The following AP4S1 variants were observed in gnomAD, a reference collection of about 807,000 sequenced individuals.
AP4S1 encodes adaptor related protein complex 4 subunit sigma 1, also known as AP-4 complex subunit sigma-1.
AP4S1 carries 23 observed loss-of-function variants against 19.8 expected under a neutral mutation model. The observed-to-expected ratio is 1.16, with a 90% confidence interval of 0.84 to 1.65. AP4S1 has a LOEUF of 1.65. AP4S1 is among the 40% of genes most tolerant of loss of function. The pLI is 0.00. For synonymous variants in AP4S1, 46 were observed against 54.1 expected, an observed-to-expected ratio of 0.85 and a Z score of 0.66; for missense variants, 166 against 172.8, an observed-to-expected ratio of 0.96 and a Z score of 0.22.
At chr14:31,067,953 C>A (rs1886814690) in intron 2 of AP4S1, among the ~76,000 whole-genome samples, 1 of 152,042 alleles carries the variant, frequency 6.6e-6, no homozygotes, top group African/African-American at 2.4e-5. Flanking sequence ...ACCACAACAT[C>A]CACCTCCCAG....
At chr14:31,071,557 A>G (rs1363365311) in intron 3 of AP4S1, among the ~76,000 whole-genome samples, 1 of 152,076 alleles carries the variant, frequency 6.6e-6, no homozygotes, top group Non-Finnish European at 1.5e-5. Flanking sequence ...AGTAGCTAGG[A>G]CTACAGGCAC....
chr14:31,053,833 A>C (rs180917955), intron 1 of AP4S1, among the ~76,000 whole-genome samples: 13 of 152,094 alleles, frequency 8.5e-5, no homozygotes, highest in Admixed American at 2.0e-4. Flanking sequence ...TTTAGAGTTC[A>C]TCAATTTATC....
At chr14:31,039,207 A>G (rs1884952581) in intron 1 of AP4S1, among the ~76,000 whole-genome samples, 1 of 151,230 alleles carries the variant, frequency 6.6e-6, no homozygotes, top group Non-Finnish European at 1.5e-5. Context: ...TTTTTTTGAG[A>G]TGGAGTCTCG....
At chr14:31,080,499 C>A in intron 4 of AP4S1, 74 bp from the exon 5 acceptor site, 2 of 1,290,654 alleles carry the variant, frequency 1.5e-6, no homozygotes, top group Non-Finnish European at 2.2e-6. Context: ...GAAGCCTCTT[C>A]AGTCTGACTC....
intron 1 of AP4S1, among the ~76,000 whole-genome samples, chr14:31,065,367 G>T (rs546072409): frequency 1.3e-5 from 2 of 152,188 alleles, no homozygotes; most frequent in Non-Finnish European, 2.9e-5. Flanking sequence ...GATGTTCCTT[G>T]TCCCTCCCTT....
intron 5 of AP4S1, chr14:31,085,374 A>G (rs1887875829): frequency 1.8e-5 from 18 of 990,822 alleles, no homozygotes; most frequent in Non-Finnish European, 2.2e-5. Flanking sequence ...GGAGAGAAGC[A>G]AGAGCAGGCT....
At chr14:31,080,758 G>A (rs1887594697) in intron 5 of AP4S1, 174 bp downstream of exon 5, 7 of 863,212 alleles carry the variant, frequency 8.1e-6, no homozygotes, top group East Asian at 2.4e-5. Context: ...CCCCAACTTC[G>A]TCACCCTGCT....
intron 1 of AP4S1, chr14:31,026,272 G>C: frequency 7.7e-7 from 1 of 1,300,006 alleles, no homozygotes; most frequent in Non-Finnish European, 9.8e-7. Flanking sequence ...CTGGCTGCGG[G>C]GCGGAGGCCG....
At chr14:31,073,558 C>T (rs935135757) in intron 4 of AP4S1, among the ~76,000 whole-genome samples, 2 of 150,756 alleles carry the variant, frequency 1.3e-5, no homozygotes, top group African/African-American at 2.4e-5. Context: ...CTTGCCCCCT[C>T]TTTTCTTCTT....
At chr14:31,047,910 C>G (rs1300560734) in intron 1 of AP4S1, among the ~76,000 whole-genome samples, 3 of 152,166 alleles carry the variant, frequency 2.0e-5, no homozygotes, top group Admixed American at 6.6e-5. Flanking sequence ...CTCCTGGCCT[C>G]AAGTGATTCG....
intron 5 of AP4S1, among the ~76,000 whole-genome samples, chr14:31,081,011 T>C (rs1887611384): frequency 6.6e-6 from 1 of 152,198 alleles, no homozygotes; most frequent in African/African-American, 2.4e-5. Context: ...AGGCTGGTCT[T>C]GAACTCCTGG....
chr14:31,068,179 A>C (rs1450898418), intron 2 of AP4S1, among the ~76,000 whole-genome samples: 1 of 152,236 alleles, frequency 6.6e-6, no homozygotes, highest in Non-Finnish European at 1.5e-5. Context: ...CTTGAACAAA[A>C]TTTTTATGAA....
chr14:31,058,539 G>C (rs879655136), intron 1 of AP4S1, among the ~76,000 whole-genome samples: 15,757 of 58,644 alleles, frequency 0.27, 1,138 homozygotes, highest in Non-Finnish European at 0.37. Flanking sequence ...GTGTGTGTGT[G>C]TGTGTGTGTG....
At chr14:31,025,973 G>A in intron 1 of AP4S1, 186 bp downstream of exon 1, 3 of 1,581,848 alleles carry the variant, frequency 1.9e-6, no homozygotes, top group Admixed American at 1.8e-5. Context: ...CGTGCTGGAT[G>A]TAGTGCAGTA....
At chr14:31,089,317 T>C (rs987800340) in intron 5 of AP4S1, among the ~76,000 whole-genome samples, 2 of 152,196 alleles carry the variant, frequency 1.3e-5, no homozygotes, top group African/African-American at 4.8e-5. Context: ...CTTACCTAAT[T>C]TGGTGGGAAA....
chr14:31,049,126 C>G (rs1214403450), intron 1 of AP4S1, among the ~76,000 whole-genome samples: 1 of 151,428 alleles, frequency 6.6e-6, no homozygotes, highest in Non-Finnish European at 1.5e-5. Context: ...AAAAATTAGC[C>G]AGGCATGCCG....
intron 5 of AP4S1, among the ~76,000 whole-genome samples, chr14:31,092,419 A>G (rs1032792304): frequency 6.6e-6 from 1 of 152,210 alleles, no homozygotes; most frequent in African/African-American, 2.4e-5. Context: ...ACCTTGGACT[A>G]TGCTTTGAAC....
In AP4S1 at chr14:31,093,058, A is replaced by G; in HGVS notation, c.*23A>G. 1.3e-6 allele frequency: 2 copies of G among 1,544,802 alleles called. No individual in the cohort carries two copies. Among genetic ancestry groups the G allele is most frequent in the East Asian group, 2.5e-5 (1 of 40,740 alleles). On this transcript the variant is annotated 3_prime_UTR_variant, in exon 6 of 6. Transcript: ENST00000542754. ...TGAAAGGAAGTCTCTTCGAGACAAT[A>G]TGGATTTATCAGAAATGCGAGTACC... is the stretch of plus-strand genomic sequence containing the variant.
In AP4S1 at chr14:31,069,910, T is replaced by C; in HGVS notation, c.206T>C (p.Val69Ala). 6.2e-7 allele frequency: 1 copy of C among 1,612,798 alleles called. No homozygotes were observed. The highest frequency in any genetic ancestry group is 8.5e-7 in the Non-Finnish European group (1 of 1,178,776). Reference protein sequence around the residue: ...YRQYAALFIVVGVNDTENEMA... With the variant: ...YRQYAALFIVAGVNDTENEMA... Reference sequence around the variant, plus strand: ...CAGTATGCAGCTCTCTTCATTGTGGTTGGAGTTAATGACACTGAGGTAAGA... The same window carrying C: ...CAGTATGCAGCTCTCTTCATTGTGGCTGGAGTTAATGACACTGAGGTAAGA... The change falls in exon 3 of 6, where the codon GTT becomes GCT. Residue 69 changes from valine (V) to alanine (A), a missense_variant. Transcript: ENST00000542754.
Sources: gnomAD v4.1 joint callset for allele counts (sites outside exome capture counted in the v4.1 genomes callset) on GRCh38, gnomAD v4.1.1 for gene constraint, MANE v1.5 for transcripts, NCBI Gene and HGNC (gene_info 2026-07-23, HGNC 2026-07-21) for gene names.